The following PCOLCE variants were observed in gnomAD, a reference collection of about 807,000 sequenced individuals.
PCOLCE encodes the protein procollagen C-endopeptidase enhancer.
A neutral mutation model predicts 47.2 loss-of-function variants in PCOLCE; 33 were observed. That is an observed-to-expected ratio of 0.70 (90% CI 0.53 to 0.93). The LOEUF (loss-of-function observed/expected upper bound fraction) is 0.93. Ranked by LOEUF, PCOLCE falls within the 40% of genes least tolerant of loss-of-function variation. The probability of loss-of-function intolerance (pLI) is 0.00; values close to 1 mark genes in which losing one functional copy is unlikely to be tolerated. For synonymous variants in PCOLCE, 254 were observed against 252.5 expected, an observed-to-expected ratio of 1.01 and a Z score of -0.06; for missense variants, 584 against 585.3, an observed-to-expected ratio of 1.00 and a Z score of 0.02.
In PCOLCE at chr7:100,603,410, A is replaced by T. The variant is rs1426168185; in HGVS notation, c.96-20A>T. 8 of 1,263,236 alleles carry T rather than the reference A, an allele frequency of 6.3e-6. No individual in the cohort carries two copies. Among genetic ancestry groups the T allele is most frequent in the African/African-American group, 3.1e-5 (2 of 64,852 alleles). The allele number at this position is 1,263,236 out of a possible 1,614,324, so 78.3% of individuals were successfully genotyped here. A position where few individuals can be genotyped will look rare whatever the true frequency, so the allele number is the denominator to read the frequency against. On this transcript the variant is annotated intron_variant, in intron 1 of 8. Coordinates refer to ENST00000223061, the MANE Select transcript of PCOLCE (RefSeq NM_002593.4). ...TCCCACCCGTCCCTGCTCTTTCCTGACCCCTTTTCTGTTCTCCAGACCCGT... is the reference window on the plus strand; with the variant it reads ...TCCCACCCGTCCCTGCTCTTTCCTGTCCCCTTTTCTGTTCTCCAGACCCGT...
chr7:100,606,368 T>C, intron 5 of PCOLCE, 48 bp from the exon 6 acceptor site: 1 of 1,382,654 alleles, frequency 7.2e-7, no homozygotes, highest in Non-Finnish European at 1.0e-6. Context: ...AAGAGTGTGG[T>C]GCACGCCCGC....
At chr7:100,603,908 G>A (rs1802658534) in intron 2 of PCOLCE, 51 bp from the exon 3 acceptor site, 1 of 1,581,462 alleles carries the variant, frequency 6.3e-7, no homozygotes, top group Non-Finnish European at 8.6e-7. Flanking sequence ...CCTCTGGCTG[G>A]GTTGTGTGGG....
intron 1 of PCOLCE, 35 bp from the exon 2 acceptor site, chr7:100,603,395 C>A: frequency 9.1e-7 from 1 of 1,101,856 alleles, no homozygotes; most frequent in Non-Finnish European, 1.4e-6. Context: ...TCCCACCCGT[C>A]CCTGCTCTTT....
intron 6 of PCOLCE, among the ~76,000 whole-genome samples, chr7:100,607,206 A>G (rs1802732428): frequency 6.6e-6 from 1 of 152,030 alleles, no homozygotes; most frequent in Non-Finnish European, 1.5e-5. Flanking sequence ...CTGTGCCGCT[A>G]CACTCCAGCC....
chr7:100,606,088 G>A, intron 5 of PCOLCE: 2 of 539,616 alleles, frequency 3.7e-6, no homozygotes, highest in Admixed American at 3.3e-5. Context: ...TAGCACTTTG[G>A]GAGGCTGAAG....
intron 6 of PCOLCE, among the ~76,000 whole-genome samples, chr7:100,607,098 A>AAAAAAAAAAC (rs1802730002): frequency 6.6e-6 from 1 of 151,616 alleles, no homozygotes; most frequent in Admixed American, 6.6e-5. Flanking sequence ...CTCAAAAAAA[A>AAAAAAAAAAC]AAAAAAAACT....
rs73407353 is a variant in PCOLCE, at chr7:100,602,608, T to C, written c.95+57T>C. On this transcript the variant is annotated intron_variant, in intron 1 of 8. Coordinates refer to ENST00000223061, the MANE Select transcript of PCOLCE (RefSeq NM_002593.4). ...AGTGAACTTCAGACCCCCGATTCCT[T>C]TGGGGTTATGCCTGGAGATATTTTG... 3,995 of 1,114,088 alleles carry C rather than the reference T, an allele frequency of 3.6e-3. 65 individuals carry two copies. Among genetic ancestry groups the C allele is most frequent in the African/African-American group, 0.035 (2,262 of 65,500 alleles). 69.0% of individuals were successfully genotyped at this position (1,114,088 alleles called of 1,614,324 possible).
Position 100,605,064 on chromosome 7 carries a change from AC to A in PCOLCE, c.464-22del. The A allele has an allele frequency of 6.4e-7, 1 of 1,554,020 alleles. No individual in the cohort carries two copies. ...TGACCGAGGGTCTCCACCGCCCCCC[AC>A]CCCCGCTCCTCTCTCCCCTCCCCAG... On this transcript the variant is annotated intron_variant, in intron 3 of 8. Coordinates refer to ENST00000223061, the MANE Select transcript of PCOLCE (RefSeq NM_002593.4). This position sits in a 1 kb window ranked among gnomAD's most constrained non-coding sequence, Gnocchi z 6.1.
At position 100,605,564 on chromosome 7, in the gene PCOLCE, C is replaced by G; in HGVS notation, c.589-112C>G. On this transcript the variant is annotated intron_variant, in intron 4 of 8. Transcript: ENST00000223061. This position sits in a 1 kb window ranked among gnomAD's most constrained non-coding sequence, Gnocchi z 6.1. ...GTGTGAACGCCTTCAGGAGGGGGGC[C>G]CAGAGGACGCGGGAGGTGGGAGTGG... The G allele has an allele frequency of 7.5e-7, 1 of 1,336,548 alleles. No individual in the cohort carries two copies. The highest frequency in any genetic ancestry group is 1.0e-6 in the Non-Finnish European group (1 of 976,272). 82.8% of individuals were successfully genotyped at this position (1,336,548 alleles called of 1,614,324 possible). A position where few individuals can be genotyped will look rare whatever the true frequency, so the allele number is the denominator to read the frequency against.
chr7:100,606,327 TCAAA>T lies in PCOLCE; in HGVS notation c.726-80_726-77del. On this transcript the variant is annotated intron_variant, in intron 5 of 8. Transcript: ENST00000223061. ...CTGGGAGACAAAGTGAGACCCTGTCTCAAACAAACAAAAAAGGTCATGGGGCTGA... is the reference window on the plus strand; with the variant it reads ...CTGGGAGACAAAGTGAGACCCTGTCTCAAACAAAAAAGGTCATGGGGCTGA... 7.8e-6 allele frequency: 7 copies of T among 898,244 alleles called. No individual in the cohort carries two copies. The South Asian group carries it at 7.9e-5, about 10-fold the overall frequency. The allele number at this position is 898,244 out of a possible 1,614,324, so 55.6% of individuals were successfully genotyped here.
In PCOLCE at chr7:100,604,962, T is replaced by C; in HGVS notation, c.464-129T>C. 2 of 629,336 alleles carry C rather than the reference T, an allele frequency of 3.2e-6. No homozygotes were observed. The highest frequency in any genetic ancestry group is 3.9e-5 in the South Asian group (2 of 51,884). The allele number at this position is 629,336 out of a possible 1,614,324, so 39.0% of individuals were successfully genotyped here. A position where few individuals can be genotyped will look rare whatever the true frequency, so the allele number is the denominator to read the frequency against. Reference sequence around the variant, plus strand: ...AACCTGCCCCCATCTTACCTCCCCTTCTTCTCGTCCCCTCATCCTGAGCCC... The same window carrying C: ...AACCTGCCCCCATCTTACCTCCCCTCCTTCTCGTCCCCTCATCCTGAGCCC... On this transcript the variant is annotated intron_variant, in intron 3 of 8. Transcript: ENST00000223061. The surrounding 1 kb of genome is among the most constrained non-coding windows in gnomAD (Gnocchi z 6.4).
rs267601180 is a variant in PCOLCE at position 100,606,525 on chromosome 7, A to G, written c.835A>G (p.Lys279Glu). The part of the protein sequence containing the change: ...SYKTLPRGTA[K>E]EGQGPGPKRG... ...CAAGACCCTGCCGCGGGGCACTGCCAAAGAAGGGCAAGGGCCCGGCCCCAA... is the reference window on the plus strand; with the variant it reads ...CAAGACCCTGCCGCGGGGCACTGCCGAAGAAGGGCAAGGGCCCGGCCCCAA... Residue 279 changes from lysine (K) to glutamate (E), a missense_variant, in exon 6 of 9, where the codon AAA becomes GAA. By Grantham distance (56) the Lys-to-Glu change is moderately conservative. Coordinates refer to ENST00000223061, the MANE Select transcript of PCOLCE (RefSeq NM_002593.4). 1.9e-6 allele frequency: 3 copies of G among 1,614,238 alleles called. No homozygotes were observed. The highest frequency in any genetic ancestry group is 2.5e-6 in the Non-Finnish European group (3 of 1,180,034).
In PCOLCE at chr7:100,608,028, G is replaced by C; in HGVS notation, c.1275G>C (p.Gln425His). ...TTGTGGTTCTCCACCGGCCCAACCA[G>C]GACCAGATCCTCACCAACCTAAGCA... ...ESFVVLHRPN[Q>H]DQILTNLSKR... Residue 425 changes from glutamine (Q) to histidine (H), a missense_variant, in exon 9 of 9, where the codon CAG (glutamine) becomes CAC (histidine). By Grantham distance (24) the Gln-to-His change is conservative. Transcript: ENST00000223061. The C allele has an allele frequency of 6.2e-7, 1 of 1,614,158 alleles. No individual in the cohort carries two copies. Among genetic ancestry groups the C allele is most frequent in the Non-Finnish European group, 8.5e-7 (1 of 1,180,030 alleles).
In PCOLCE at chr7:100,606,376, C is replaced by T. The variant is rs202116336; in HGVS notation, c.726-40C>T. The T allele has an allele frequency of 3.4e-5, 50 of 1,479,724 alleles. No homozygotes were observed. In the African/African-American group the frequency reaches 4.2e-4, roughly 12 times the overall value. The allele number at this position is 1,479,724 out of a possible 1,614,324, so 91.7% of individuals were successfully genotyped here. A position where few individuals can be genotyped will look rare whatever the true frequency, so the allele number is the denominator to read the frequency against. ...GGCTGAGAAGAGTGTGGTGCACGCCCGCCCTGACACTTCCCCCAATGCTCG... is the reference window on the plus strand; with the variant it reads ...GGCTGAGAAGAGTGTGGTGCACGCCTGCCCTGACACTTCCCCCAATGCTCG... On this transcript the variant is annotated intron_variant, in intron 5 of 8. Transcript: ENST00000223061.
intron 5 of PCOLCE, 57 bp from the exon 6 acceptor site, chr7:100,606,359 A>C: frequency 1.6e-6 from 2 of 1,262,142 alleles, no homozygotes; most frequent in Admixed American, 3.6e-5. Flanking sequence ...GGGGCTGAGA[A>C]GAGTGTGGTG....
intron 8 of PCOLCE, 50 bp from the exon 9 acceptor site, chr7:100,607,887 C>A: frequency 6.2e-7 from 1 of 1,606,970 alleles, no homozygotes; most frequent in African/African-American, 1.3e-5. Flanking sequence ...TTGAGACCTG[C>A]TGACAGGTCT....
chr7:100,603,345 A>T, intron 1 of PCOLCE, 85 bp from the exon 2 acceptor site: 2 of 694,036 alleles, frequency 2.9e-6, no homozygotes, highest in South Asian at 3.7e-5. Context: ...TTGGAGTTTC[A>T]TCCTCATCAC....
chr7:100,604,842 G>A lies in PCOLCE; in HGVS notation c.464-249G>A, dbSNP rs1802682702. ...GGTCGGGGAGGGGCCAGAAGGGGGC[G>A]TCCAGCCAGTTCCTCCTCCCGCTTC... On this transcript the variant is annotated intron_variant, in intron 3 of 8. Coordinates refer to ENST00000223061, the MANE Select transcript of PCOLCE (RefSeq NM_002593.4). This position sits in a 1 kb window ranked among gnomAD's most constrained non-coding sequence, Gnocchi z 6.4. 2.0e-6 allele frequency: 1 copy of A among 511,372 alleles called. No individual in the cohort carries two copies. Among genetic ancestry groups the A allele is most frequent in the Non-Finnish European group, 3.5e-6 (1 of 284,890 alleles). The allele number at this position is 511,372 out of a possible 1,614,324, so 31.7% of individuals were successfully genotyped here.
chr7:100,607,095 A>AAAAAAAAAAAAAAAAC lies in PCOLCE; in HGVS notation c.941-346_941-345insAAAACAAAAAAAAAAA, dbSNP rs1261784544. Among the ~76,000 whole-genome samples, 5 of 151,674 alleles carry AAAAAAAAAAAAAAAAC rather than the reference A, an allele frequency of 3.3e-5. 1 individual carries two copies. The highest frequency in any genetic ancestry group is 1.2e-4 in the African/African-American group (5 of 41,280). Reference sequence around the variant, plus strand: ...TACAGAGTGAGATTCTGTCTCAAAAAAAAAAAAAAAACTTAGCCAGGCGTG... The same window carrying AAAAAAAAAAAAAAAAC: ...TACAGAGTGAGATTCTGTCTCAAAAAAAAAAAAAAAAAAAACAAAAAAAAAAACTTAGCCAGGCGTG... On this transcript the variant is annotated intron_variant, in intron 6 of 8. Coordinates refer to ENST00000223061, the MANE Select transcript of PCOLCE (RefSeq NM_002593.4).
Sources: gnomAD v4.1 joint callset for allele counts (sites outside exome capture counted in the v4.1 genomes callset) on GRCh38, gnomAD v4.1.1 for gene constraint, Gnocchi (gnomAD v3.1) non-coding constraint, MANE v1.5 for transcripts, NCBI Gene and HGNC (gene_info 2026-07-23, HGNC 2026-07-21) for gene names.